KCNQ1: variants seen among roughly 807,000 people sequenced by gnomAD.
KCNQ1 encodes potassium voltage-gated channel subfamily KQT member 1.
KCNQ1 carries 49 observed loss-of-function variants against 72.4 expected under a neutral mutation model. The ratio of observed to expected loss-of-function variants is 0.68; its 90% confidence interval spans 0.54 to 0.86. KCNQ1 has a LOEUF of 0.86. Ranked by LOEUF, KCNQ1 falls within the 40% of genes least tolerant of loss-of-function variation. The pLI is 0.00. For missense variants in KCNQ1, 790 were observed against 945.1 expected (o/e 0.84, Z 2.15); for synonymous variants, 450 against 412.6 (o/e 1.09, Z -1.10).
At position 2,690,614 on chromosome 11, in the gene KCNQ1, C is replaced by G; in HGVS notation, c.1514+28533C>G. On this transcript the variant is annotated intron_variant, in intron 11 of 15. Coordinates refer to ENST00000155840, the MANE Select transcript of KCNQ1 (RefSeq NM_000218.3). The surrounding 1 kb of genome is among the most constrained non-coding windows in gnomAD (Gnocchi z 5.1). ...GCAGGGAGTGGGGCACACATATGTG[C>G]ATGTTCATATATGTGTCAGAATGCG... The G allele has an allele frequency of 5.0e-6, 2 of 398,636 alleles. No homozygotes were observed. Among genetic ancestry groups the G allele is most frequent in the Non-Finnish European group, 8.8e-6 (2 of 226,092 alleles). The allele number at this position is 398,636 out of a possible 1,614,324, so 24.7% of individuals were successfully genotyped here.
In KCNQ1 at chr11:2,559,414, C is replaced by T. The variant is rs912342353; in HGVS notation, c.478-11214C>T. On this transcript the variant is annotated intron_variant, in intron 2 of 15. Coordinates refer to ENST00000155840, the MANE Select transcript of KCNQ1 (RefSeq NM_000218.3). This position sits in a 1 kb window ranked among gnomAD's most constrained non-coding sequence, Gnocchi z 4.9. ...CTTGTGGCTACTTAGACGTAGAGCCCGGGGCAGGGGGAGGGCCAGCCCCTG... is the reference window on the plus strand; with the variant it reads ...CTTGTGGCTACTTAGACGTAGAGCCTGGGGCAGGGGGAGGGCCAGCCCCTG... Among the ~76,000 whole-genome samples, 3 of 152,284 alleles carry T rather than the reference C, an allele frequency of 2.0e-5. No homozygotes were observed. Among genetic ancestry groups the T allele is most frequent in the African/African-American group, 2.4e-5 (1 of 41,558 alleles).
rs533592455 is a variant in KCNQ1, at chr11:2,849,037, G to A, written c.*1034G>A. On this transcript the variant is annotated 3_prime_UTR_variant, in exon 16 of 16. Coordinates refer to ENST00000155840, the MANE Select transcript of KCNQ1 (RefSeq NM_000218.3). ...TCACCTTGGTTCCTGGGGCATCCAT[G>A]GGGTCTCTCACAGACAGGACCCCTG... The A allele has an allele frequency of 1.3e-4, 61 of 454,150 alleles. No individual in the cohort carries two copies. Among genetic ancestry groups the A allele is most frequent in the African/African-American group, 1.1e-3 (55 of 50,136 alleles). 28.1% of individuals were successfully genotyped at this position (454,150 alleles called of 1,614,324 possible).
intron 10 of KCNQ1, chr11:2,632,934 C>T (rs756801642): frequency 9.0e-5 from 36 of 398,256 alleles, no homozygotes; most frequent in Non-Finnish European, 1.3e-4. Flanking sequence ...AGTCAATACC[C>T]GGTAGTGGAT....
intron 5 of KCNQ1, among the ~76,000 whole-genome samples, chr11:2,572,529 T>A (rs1226214073): frequency 6.6e-6 from 1 of 152,112 alleles, no homozygotes; most frequent in Non-Finnish European, 1.5e-5. Flanking sequence ...TCCCTGAGGA[T>A]CTCCTGGGTC....
chr11:2,458,860 C>T lies in KCNQ1; in HGVS notation c.386+13376C>T, dbSNP rs911130052. Reference sequence around the variant, plus strand: ...CAGTAAGTCAATGACCAAGAAATAACGGAGAGAAGGAGGAAAGAATCACCT... The same window carrying T: ...CAGTAAGTCAATGACCAAGAAATAATGGAGAGAAGGAGGAAAGAATCACCT... On this transcript the variant is annotated intron_variant, in intron 1 of 15. Coordinates refer to ENST00000155840, the MANE Select transcript of KCNQ1 (RefSeq NM_000218.3). This position sits in a 1 kb window ranked among gnomAD's most constrained non-coding sequence, Gnocchi z 4.6. Among the ~76,000 whole-genome samples, 5 of 152,190 alleles carry T rather than the reference C, an allele frequency of 3.3e-5. No individual in the cohort carries two copies. Among genetic ancestry groups the T allele is most frequent in the East Asian group, 1.9e-4 (1 of 5,202 alleles).
chr11:2,473,890 G>A lies in KCNQ1; in HGVS notation c.386+28406G>A, dbSNP rs1350697073. 1.3e-5 allele frequency among the ~76,000 whole-genome samples: 2 copies of A among 152,220 alleles called. No individual in the cohort carries two copies. Among genetic ancestry groups the A allele is most frequent in the Non-Finnish European group, 2.9e-5 (2 of 68,036 alleles). ...TCGCCCTCCACAGATGGGAGCCTGGGAGAGCCCTGCCTCCCGGAACGGACA... is the reference window on the plus strand; with the variant it reads ...TCGCCCTCCACAGATGGGAGCCTGGAAGAGCCCTGCCTCCCGGAACGGACA... On this transcript the variant is annotated intron_variant, in intron 1 of 15. Transcript: ENST00000155840. This position sits in a 1 kb window ranked among gnomAD's most constrained non-coding sequence, Gnocchi z 6.0.
In KCNQ1 at chr11:2,620,593, A is replaced by T. The variant is rs1273362595; in HGVS notation, c.1393+31739A>T. On this transcript the variant is annotated intron_variant, in intron 10 of 15. Transcript: ENST00000155840. This position sits in a 1 kb window ranked among gnomAD's most constrained non-coding sequence, Gnocchi z 4.5. ...ATTTTCTTTATCCAATCCACCACTG[A>T]TGGGCATCTAAGTGGATTCCATGTC... 7.5e-6 allele frequency: 3 copies of T among 397,396 alleles called. No individual in the cohort carries two copies. The highest frequency in any genetic ancestry group is 6.2e-5 in the African/African-American group (3 of 48,598). 24.6% of individuals were successfully genotyped at this position (397,396 alleles called of 1,614,324 possible).
Position 2,678,682 on chromosome 11 carries a change from T to C in KCNQ1, c.1514+16601T>C, listed in dbSNP as rs1850335942. The stretch of plus-strand genomic sequence containing the variant: ...CAGTCAACCAGGGGAATTCATGGCA[T>C]GGCCTAAGATCTAAACACTCTTAAG... On this transcript the variant is annotated intron_variant, in intron 11 of 15. Transcript: ENST00000155840. This position sits in a 1 kb window ranked among gnomAD's most constrained non-coding sequence, Gnocchi z 4.9. The C allele has an allele frequency of 5.0e-6, 2 of 398,650 alleles. No homozygotes were observed. Among genetic ancestry groups the C allele is most frequent in the Non-Finnish European group, 8.8e-6 (2 of 226,064 alleles). 24.7% of individuals were successfully genotyped at this position (398,650 alleles called of 1,614,324 possible). A position where few individuals can be genotyped will look rare whatever the true frequency, so the allele number is the denominator to read the frequency against.
At chr11:2,666,621 G>A (rs191073574) in intron 11 of KCNQ1, 2 of 398,672 alleles carry the variant, frequency 5.0e-6, no homozygotes, top group Admixed American at 4.4e-5. Flanking sequence ...CGTCACAAGG[G>A]TGGCCCCAAA....
chr11:2,561,140 C>T lies in KCNQ1; in HGVS notation c.478-9488C>T, dbSNP rs546703303. On this transcript the variant is annotated intron_variant, in intron 2 of 15. Coordinates refer to ENST00000155840, the MANE Select transcript of KCNQ1 (RefSeq NM_000218.3). ...TGGTGTGAACCCCAGGGGGTGGAGC[C>T]TGCAGTGAGCCGAGATTGCGCCACT... is the stretch of plus-strand genomic sequence containing the variant. Among the ~76,000 whole-genome samples the T allele has an allele frequency of 1.0e-4, 15 of 149,740 alleles. No homozygotes were observed. In the East Asian group the frequency reaches 2.4e-3, roughly 24 times the overall value.
chr11:2,547,166 G>A lies in KCNQ1; in HGVS notation c.477+19148G>A, dbSNP rs1282136199. Among the ~76,000 whole-genome samples, 1 of 152,140 alleles carries A rather than the reference G, an allele frequency of 6.6e-6. No homozygotes were observed. The highest frequency in any genetic ancestry group is 2.4e-5 in the African/African-American group (1 of 41,422). On this transcript the variant is annotated intron_variant, in intron 2 of 15. Coordinates refer to ENST00000155840, the MANE Select transcript of KCNQ1 (RefSeq NM_000218.3). The surrounding 1 kb of genome is among the most constrained non-coding windows in gnomAD (Gnocchi z 4.2). ...GTATTTTGTCACGGTTGCTGTTGTA[G>A]TTTTCTTTACAATATGTGTATTATT...
chr11:2,847,635 C>A, intron 15 of KCNQ1, 132 bp from the exon 16 acceptor site: 1 of 820,932 alleles, frequency 1.2e-6, no homozygotes. Flanking sequence ...GTGCGTGCCG[C>A]CTGCATACAG....
intron 2 of KCNQ1, among the ~76,000 whole-genome samples, chr11:2,552,820 G>C (rs149027788): frequency 3.2e-4 from 49 of 151,972 alleles, no homozygotes; most frequent in African/African-American, 1.1e-3. Context: ...CACGAACACT[G>C]TCTCGCTCCC....
rs1455251933 is a variant in KCNQ1, at chr11:2,562,575, G to A, written c.478-8053G>A. ...TGGCTTCCTCGCTATGGGAGGGGGT[G>A]AGACCCTAATCCCGGGTCCCCACAG... On this transcript the variant is annotated intron_variant, in intron 2 of 15. Transcript: ENST00000155840. This position sits in a 1 kb window ranked among gnomAD's most constrained non-coding sequence, Gnocchi z 7.5. 6.6e-6 allele frequency among the ~76,000 whole-genome samples: 1 copy of A among 152,162 alleles called. No homozygotes were observed. The highest frequency in any genetic ancestry group is 1.5e-5 in the Non-Finnish European group (1 of 68,024).
rs1033052693 is a variant in KCNQ1 at position 2,478,268 on chromosome 11, G to A, written c.386+32784G>A. Among the ~76,000 whole-genome samples the A allele has an allele frequency of 2.6e-5, 4 of 152,198 alleles. No homozygotes were observed. The highest frequency in any genetic ancestry group is 7.2e-5 in the African/African-American group (3 of 41,434). On this transcript the variant is annotated intron_variant, in intron 1 of 15. Transcript: ENST00000155840. This position sits in a 1 kb window ranked among gnomAD's most constrained non-coding sequence, Gnocchi z 4.0. ...AAGGCTAAATAAAGTACCGTTCAGGGTGAAGGGGAAGGAAGAAATGTGATG... is the reference window on the plus strand; with the variant it reads ...AAGGCTAAATAAAGTACCGTTCAGGATGAAGGGGAAGGAAGAAATGTGATG...
chr11:2,842,008 G>A (rs973942541), intron 15 of KCNQ1, among the ~76,000 whole-genome samples: 1 of 152,198 alleles, frequency 6.6e-6, no homozygotes, highest in Non-Finnish European at 1.5e-5. Context: ...CTGTGCCGAG[G>A]ACCCGCTGAG....
In KCNQ1 at chr11:2,674,682, T is replaced by C. The variant is rs1208827333; in HGVS notation, c.1514+12601T>C. The C allele has an allele frequency of 2.5e-6, 1 of 398,284 alleles. No individual in the cohort carries two copies. The highest frequency in any genetic ancestry group is 1.3e-4 in the South Asian group (1 of 7,838). 24.7% of individuals were successfully genotyped at this position (398,284 alleles called of 1,614,324 possible). A position where few individuals can be genotyped will look rare whatever the true frequency, so the allele number is the denominator to read the frequency against. On this transcript the variant is annotated intron_variant, in intron 11 of 15. Coordinates refer to ENST00000155840, the MANE Select transcript of KCNQ1 (RefSeq NM_000218.3). This position sits in a 1 kb window ranked among gnomAD's most constrained non-coding sequence, Gnocchi z 5.9. ...TTTGCAAAATAATTTGAAAAGTTTG[T>C]TGAACCTTAAACCTTTCCTGATGAC...
rs950163045 is a variant in KCNQ1 at position 2,700,383 on chromosome 11, G to A, written c.1514+38302G>A. Among the ~76,000 whole-genome samples, 8 of 152,254 alleles carry A rather than the reference G, an allele frequency of 5.3e-5. 1 individual carries two copies. In the East Asian group the frequency reaches 1.4e-3, roughly 26 times the overall value. On this transcript the variant is annotated intron_variant, in intron 11 of 15. Transcript: ENST00000155840. Reference sequence around the variant, plus strand: ...CTGCGTGATGTGTTCACCACCCCGGGGTGACCGCGTGAGGACAGCGGCCGC... The same window carrying A: ...CTGCGTGATGTGTTCACCACCCCGGAGTGACCGCGTGAGGACAGCGGCCGC...
intron 1 of KCNQ1, 49 bp downstream of exon 1, chr11:2,445,533 C>G: frequency 6.4e-7 from 1 of 1,570,514 alleles, no homozygotes; most frequent in African/African-American, 1.3e-5. Flanking sequence ...TTCCTGAGAG[C>G]TGGTGTGGGG....
Sources: allele counts gnomAD v4.1 joint callset (sites outside exome capture counted in the v4.1 genomes callset), GRCh38; gene constraint gnomAD v4.1.1; non-coding constraint Gnocchi (gnomAD v3.1); transcripts MANE v1.5; gene names NCBI Gene and HGNC (gene_info 2026-07-23, HGNC 2026-07-21).